The following MBD1 variants were observed in gnomAD, a reference collection of about 807,000 sequenced individuals.
MBD1 encodes the protein methyl-CpG-binding domain protein 1.
Under a neutral mutation model 82.6 loss-of-function variants are expected in MBD1, and 25 were observed. The observed-to-expected ratio is 0.30, with a 90% CI of 0.22 to 0.42. The LOEUF is 0.42. Among genes scored for constraint, MBD1 ranks in the 10% least tolerant of loss-of-function variants. MBD1 has a pLI of 1.00. For missense variants in MBD1, 627 were observed against 819.6 expected, an observed-to-expected ratio of 0.76 and a Z score of 2.87; for synonymous variants, 301 against 303.7, an observed-to-expected ratio of 0.99 and a Z score of 0.09.
In MBD1 at chr18:50,276,088, C is replaced by T. The variant is rs140687; in HGVS notation, c.517-107G>A. 4.3e-6 allele frequency: 6 copies of T among 1,409,928 alleles called. No individual in the cohort carries two copies. In the African/African-American group the frequency reaches 8.5e-5, roughly 20 times the overall value. The allele number at this position is 1,409,928 out of a possible 1,614,324, so 87.3% of individuals were successfully genotyped here. A position where few individuals can be genotyped will look rare whatever the true frequency, so the allele number is the denominator to read the frequency against. ...GGCATCACCATGAATTTTAGTCCCC[C>T]ATTAGCCTCATCACCGTATCTGAGA... On this transcript the variant is annotated intron_variant, in intron 6 of 16. Coordinates refer to ENST00000269468, the MANE Select transcript of MBD1 (RefSeq NM_015846.4).
At chr18:50,278,805 T>C (rs1218693063) in intron 2 of MBD1, among the ~76,000 whole-genome samples, 3 of 152,240 alleles carry the variant, frequency 2.0e-5, no homozygotes, top group Admixed American at 1.3e-4. Context: ...ATCTGAACTT[T>C]TGTTTTGTGT....
chr18:50,276,491 C>T, intron 5 of MBD1, 73 bp from the exon 6 acceptor site: 2 of 1,514,476 alleles, frequency 1.3e-6, no homozygotes, highest in Non-Finnish European at 1.8e-6. Context: ...ACTGCCTGTG[C>T]CCTGACTTCC....
intron 2 of MBD1, 22 bp downstream of exon 2, chr18:50,279,861 C>G: frequency 6.2e-7 from 1 of 1,613,834 alleles, no homozygotes; most frequent in Non-Finnish European, 8.5e-7. Flanking sequence ...ACTCCTGACT[C>G]TGCCCACTAC....
At position 50,273,682 on chromosome 18, in the gene MBD1, G is replaced by C; in HGVS notation, c.1328C>G (p.Ala443Gly). ...CGGGGGCAGCACAAAGCCACCACCT[G>C]CTTCCTGCTTCGTTGGAGCCTGGGT... Reference protein sequence around the residue: ...DHTQAPTKQEAGGGFVLPPPG... With the variant: ...DHTQAPTKQEGGGGFVLPPPG... The change falls in exon 12 of 17, where the codon GCA becomes GGA. Residue 443 changes from alanine to glycine, a missense_variant. This residue lies in a region of MBD1 where 265 missense variants were observed against 278.4 expected (regional missense o/e 0.95). Coordinates refer to ENST00000269468, the MANE Select transcript of MBD1 (RefSeq NM_015846.4). The C allele has an allele frequency of 6.2e-7, 1 of 1,614,122 alleles. No individual in the cohort carries two copies. The highest frequency in any genetic ancestry group is 8.5e-7 in the Non-Finnish European group (1 of 1,180,044).
At chr18:50,271,307 ACTT>A in intron 16 of MBD1, 159 bp downstream of exon 16, 2 of 1,512,948 alleles carry the variant, frequency 1.3e-6, no homozygotes, top group Non-Finnish European at 1.8e-6. Flanking sequence ...TTTCCCGCTT[ACTT>A]CTTCTAGAAG....
chr18:50,279,698 A>G (rs1248427007), intron 2 of MBD1, 185 bp downstream of exon 2: 2 of 721,938 alleles, frequency 2.8e-6, no homozygotes, highest in Non-Finnish European at 4.5e-6. Flanking sequence ...ATGCACTGTG[A>G]GTAGTGACTT....
chr18:50,281,534 G>A (rs2040268106), upstream of MBD1: 2 of 575,800 alleles, frequency 3.5e-6, no homozygotes, highest in African/African-American at 1.9e-5. Flanking sequence ...GGAACCGGAA[G>A]TCCGCTGCCT....
At chr18:50,281,622 C>T (rs1246031584), upstream of MBD1, 4 of 443,232 alleles carry the variant, frequency 9.0e-6, no homozygotes, top group East Asian at 1.3e-4. Flanking sequence ...GGGAGGCTCC[C>T]GCGCCTACGG....
At chr18:50,274,709 C>T (rs1045317359) in intron 10 of MBD1, among the ~76,000 whole-genome samples, 3 of 152,208 alleles carry the variant, frequency 2.0e-5, no homozygotes, top group Admixed American at 6.5e-5. Flanking sequence ...CCTACTCTGT[C>T]GCTCATCCTA....
In MBD1 at chr18:50,276,912, A is replaced by C. The variant is rs2038143926; in HGVS notation, c.312T>G (p.Ser104Arg). The part of the protein sequence containing the change: ...KTRKRQVGPQ[S>R]GEVRKEAPRD... ...TCGGGGCCTCCTTCCTGACCTCACC[A>C]CTCTGGGGTCCAACCTGACGTTTCC... The change falls in exon 4 of 17, where the codon AGT (serine) becomes AGG (arginine). Residue 104 changes from serine to arginine, a missense_variant. Ser to Arg is a moderately radical substitution (Grantham distance 110). Transcript: ENST00000269468. 6.2e-7 allele frequency: 1 copy of C among 1,613,318 alleles called. No homozygotes were observed.
downstream of MBD1, chr18:50,268,821 C>A (rs2034355420): frequency 1.3e-5 from 10 of 796,138 alleles, no homozygotes; most frequent in Non-Finnish European, 1.5e-5. Context: ...CAAACCACTC[C>A]CAAAAGAAAC....
chr18:50,273,649 G>C lies in MBD1; in HGVS notation c.1361C>G (p.Thr454Ser). 2 of 1,613,946 alleles carry C rather than the reference G, an allele frequency of 1.2e-6. No homozygotes were observed. The highest frequency in any genetic ancestry group is 1.7e-6 in the Non-Finnish European group (2 of 1,180,040). The change falls in exon 12 of 17, where the codon ACT becomes AGT. Residue 454 changes from threonine (T) to serine (S), a missense_variant. Physicochemically the swap from Thr to Ser is moderately conservative, Grantham distance 58. This residue lies in a region of MBD1 where 265 missense variants were observed against 278.4 expected (regional missense o/e 0.95). Coordinates refer to ENST00000269468, the MANE Select transcript of MBD1 (RefSeq NM_015846.4). ...GCCTTCCCGTAAAAACACAAGGTCA[G>C]TGCCAGGCGGGGGCAGCACAAAGCC... ...GGGFVLPPPG[T>S]DLVFLREGAS...
At chr18:50,268,730 G>T (rs147733482), downstream of MBD1, 1,848 of 201,078 alleles carry the variant, frequency 9.2e-3, 46 homozygotes, top group African/African-American at 0.041. Flanking sequence ...AATCGCTCAG[G>T]GTCCTTGGAA....
At chr18:50,272,302 ACT>A (rs1039996319) in intron 15 of MBD1, among the ~76,000 whole-genome samples, 1 of 152,100 alleles carries the variant, frequency 6.6e-6, no homozygotes, top group African/African-American at 2.4e-5. Context: ...TCTCCTGGAG[ACT>A]CTAAAGGCCT....
Position 50,276,983 on chromosome 18 carries a change from C to A in MBD1, c.241G>T (p.Val81Phe), listed in dbSNP as rs770877581. 6.2e-7 allele frequency: 1 copy of A among 1,614,222 alleles called. No homozygotes were observed. The highest frequency in any genetic ancestry group is 8.5e-7 in the Non-Finnish European group (1 of 1,180,038). The change falls in exon 4 of 17, where the codon GTT becomes TTT. Residue 81 changes from valine to phenylalanine, a missense_variant. This residue lies in a region of MBD1 where 75 missense variants were observed against 74.7 expected (regional missense o/e 1.00). Transcript: ENST00000269468. ...YPAPKAHPVA[V>F]ASKKRKKPSR... is the part of the protein sequence containing the mutation. ...GGCTTCTTTCGCTTCTTGCTGGCAA[C>A]CGCCACGGGATGGGCCTGGAAAGTA...
chr18:50,279,727 T>TTA (rs2039476975), intron 2 of MBD1, 156 bp downstream of exon 2: 1 of 984,052 alleles, frequency 1.0e-6, no homozygotes. Context: ...CAAATAAATT[T>TTA]TATTAAGTAG....
chr18:50,274,802 C>T lies in MBD1; in HGVS notation c.978+175G>A, dbSNP rs546901269. Among the ~76,000 whole-genome samples, 16 of 152,342 alleles carry T rather than the reference C, an allele frequency of 1.1e-4. 1 individual carries two copies. The South Asian group carries it at 3.3e-3, about 32-fold the overall frequency. ...GAGTGTTGGTATATGTGACATGAAG[C>T]ACTCTCATGCACCTGCTGACCCCGT... On this transcript the variant is annotated intron_variant, in intron 10 of 16. Transcript: ENST00000269468.
At chr18:50,273,168 T>C (rs1230408237) in intron 13 of MBD1, 166 bp downstream of exon 13, 89 of 1,242,850 alleles carry the variant, frequency 7.2e-5, no homozygotes. Flanking sequence ...CAAAGCTAGT[T>C]GCCTGTGGGA....
rs372009396 is a variant in MBD1 at position 50,275,398 on chromosome 18, C to T, written c.793-153G>A. The T allele has an allele frequency of 3.2e-5, 52 of 1,607,212 alleles. No homozygotes were observed. In the African/African-American group the frequency reaches 4.1e-4, roughly 13 times the overall value. On this transcript the variant is annotated intron_variant, in intron 8 of 16. Coordinates refer to ENST00000269468, the MANE Select transcript of MBD1 (RefSeq NM_015846.4). The stretch of plus-strand genomic sequence containing the variant: ...TGGGGGAGCCACAGCCAGGGGAGTG[C>T]GTCGCTGACATCTCTGATGACGGCG...
Sources: gnomAD v4.1 joint callset for allele counts (sites outside exome capture counted in the v4.1 genomes callset) on GRCh38, gnomAD v4.1.1 for gene constraint, gnomAD v4.1.1 regional missense constraint, MANE v1.5 for transcripts, NCBI Gene and HGNC (gene_info 2026-07-23, HGNC 2026-07-21) for gene names.